The following MMS19 variants were observed in gnomAD, a reference collection of about 807,000 sequenced individuals.
MMS19 encodes the protein MMS19 cytosolic iron-sulfur assembly component.
A neutral mutation model predicts 129.8 loss-of-function variants in MMS19; 77 were observed. The observed-to-expected ratio is 0.59, with a 90% CI of 0.49 to 0.72. MMS19 has a LOEUF of 0.72. Ranked by LOEUF, MMS19 falls within the 30% of genes least tolerant of loss-of-function variation. MMS19 has a pLI of 0.00. For missense variants in MMS19, 1,168 were observed against 1,266.3 expected (o/e 0.92, Z 1.18); for synonymous variants, 491 against 502.8 (o/e 0.98, Z 0.31).
intron 12 of MMS19, among the ~76,000 whole-genome samples, chr10:97,468,677 A>C (rs2034038711): frequency 1.3e-5 from 2 of 152,018 alleles, no homozygotes; most frequent in Non-Finnish European, 2.9e-5. Context: ...GCAGTGGCGC[A>C]ATCTCAGCTC....
intron 3 of MMS19, among the ~76,000 whole-genome samples, chr10:97,480,610 C>T (rs765847906): frequency 6.6e-6 from 1 of 152,110 alleles, no homozygotes; most frequent in Non-Finnish European, 1.5e-5. Flanking sequence ...GAGATGGAGT[C>T]CCGCTCTGTC....
chr10:97,497,952 C>A (rs2040109744), intron 1 of MMS19, among the ~76,000 whole-genome samples: 1 of 152,208 alleles, frequency 6.6e-6, no homozygotes, highest in Admixed American at 6.5e-5. Flanking sequence ...CGCCTGGGTC[C>A]GAGTCCCACC....
chr10:97,490,052 G>A (rs2038613716), intron 1 of MMS19, among the ~76,000 whole-genome samples: 1 of 152,122 alleles, frequency 6.6e-6, no homozygotes, highest in Non-Finnish European at 1.5e-5. Context: ...GGGAGGGGAA[G>A]ATTAAACTCC....
At chr10:97,486,114 G>A (rs944207205) in intron 1 of MMS19, among the ~76,000 whole-genome samples, 1 of 152,196 alleles carries the variant, frequency 6.6e-6, no homozygotes, top group Non-Finnish European at 1.5e-5. Flanking sequence ...TGTGACGTGT[G>A]TGTACACATA....
intron 1 of MMS19, among the ~76,000 whole-genome samples, chr10:97,497,305 A>G (rs1589847397): frequency 6.6e-6 from 1 of 152,230 alleles, no homozygotes; most frequent in East Asian, 1.9e-4. Context: ...GAATACTGCT[A>G]ACGAACAAAG....
Position 97,468,379 on chromosome 10 carries a change from T to A in MMS19, c.1091A>T (p.Asp364Val), listed in dbSNP as rs761771953. 1 of 1,611,404 alleles carries A rather than the reference T, an allele frequency of 6.2e-7. No individual in the cohort carries two copies. The highest frequency in any genetic ancestry group is 8.5e-7 in the Non-Finnish European group (1 of 1,178,290). ...QDCRHHLCEP[D>V]MKLVWPSAKL... is the part of the protein sequence containing the mutation. ...GGCACTAGGCCACACCAGTTTCATG[T>A]CCGGTTCACACAGGTGGTGCCTGCA... is the stretch of plus-strand genomic sequence containing the variant. Residue 364 changes from aspartate to valine, a missense_variant, in exon 13 of 31, where the codon GAC (aspartate) becomes GTC (valine). Around this residue, in one of 3 missense-constraint regions of MMS19, gnomAD observed 831 missense variants for 910.8 expected, o/e 0.91. Transcript: ENST00000438925.
intron 2 of MMS19, among the ~76,000 whole-genome samples, chr10:97,481,453 A>G (rs1263400692): frequency 1.3e-5 from 2 of 152,208 alleles, no homozygotes; most frequent in Non-Finnish European, 2.9e-5. Flanking sequence ...CACCAAAACA[A>G]GGAGAATACG....
chr10:97,498,445 C>A, upstream of MMS19: 3 of 1,537,980 alleles, frequency 2.0e-6, no homozygotes, highest in Admixed American at 4.0e-5. Context: ...GCTCTCCGCG[C>A]ATGCGCCTCC....
chr10:97,460,743 C>T lies in MMS19; in HGVS notation c.2421G>A (p.Lys807=). The T allele has an allele frequency of 6.3e-7, 1 of 1,598,202 alleles. No individual in the cohort carries two copies. The change falls in exon 25 of 31, where the codon AAG becomes AAA. Residue 807 remains lysine, a synonymous_variant. Transcript: ENST00000438925. ...QAFTLLLWVT[K]ALVLRYHPLS... Reference sequence around the variant, plus strand: ...GAGGATGGTATCTGAGCACTAGGGCCTTTGTTACCTGTAATTGGAGACAGA... The same window carrying T: ...GAGGATGGTATCTGAGCACTAGGGCTTTTGTTACCTGTAATTGGAGACAGA...
chr10:97,460,318 A>G (rs1384103659), intron 25 of MMS19, 86 bp from the exon 26 acceptor site: 13 of 1,293,092 alleles, frequency 1.0e-5, no homozygotes, highest in East Asian at 2.4e-5. Flanking sequence ...GTGGTGGCTC[A>G]TGCCTGTAAT....
intron 4 of MMS19, 146 bp downstream of exon 4, chr10:97,478,158 C>T (rs941351999): frequency 2.4e-5 from 17 of 701,540 alleles, no homozygotes; most frequent in Admixed American, 2.2e-4. Context: ...AGAGGGAAAA[C>T]GGAAGTAGAG....
chr10:97,498,039 T>C (rs755366501), intron 1 of MMS19, among the ~76,000 whole-genome samples: 1 of 152,192 alleles, frequency 6.6e-6, no homozygotes, highest in African/African-American at 2.4e-5. Context: ...ATCTGTAAAA[T>C]GTAATGATTC....
Position 97,459,169 on chromosome 10 carries a change from T to C in MMS19, c.2964+54A>G, listed in dbSNP as rs762270098. On this transcript the variant is annotated intron_variant, in intron 29 of 30. Coordinates refer to ENST00000438925, the MANE Select transcript of MMS19 (RefSeq NM_022362.5). The stretch of plus-strand genomic sequence containing the variant: ...CCACCTGACTAAGGCAAAAAGGTAC[T>C]TATGTGTCTCTTGAGATGTTCCCAG... 1.3e-5 allele frequency: 21 copies of C among 1,557,122 alleles called. No individual in the cohort carries two copies. The South Asian group carries it at 1.4e-4, about 11-fold the overall frequency.
In MMS19 at chr10:97,470,245, G is replaced by GTGTC. The variant is rs989076949; in HGVS notation, c.772-46_772-43dup. On this transcript the variant is annotated intron_variant, in intron 9 of 30. Transcript: ENST00000438925. ...AGATCTTAAGCCTGAGATGGGTGGT[G>GTGTC]TGTCAGTCACATCAAGGTCAACCCT... The GTGTC allele has an allele frequency of 2.1e-6, 3 of 1,410,248 alleles. No individual in the cohort carries two copies. In the African/African-American group the frequency reaches 4.2e-5, roughly 20 times the overall value. 87.4% of individuals were successfully genotyped at this position (1,410,248 alleles called of 1,614,324 possible).
chr10:97,463,967 G>A lies in MMS19; in HGVS notation c.1803C>T (p.Ser601=). The A allele has an allele frequency of 6.2e-7, 1 of 1,612,898 alleles. No homozygotes were observed. Among genetic ancestry groups the A allele is most frequent in the South Asian group, 1.1e-5 (1 of 90,852 alleles). ...QSSDVIAVCQ[S]LRQMAEKCQQ... is the part of the protein sequence containing the mutation. The stretch of plus-strand genomic sequence containing the variant: ...GACATTTTTCTGCCATCTGTCTGAG[G>A]CTCTGACAGACAGCAATAACGTCAC... The change falls in exon 19 of 31, where the codon AGC becomes AGT. Residue 601 remains serine, a synonymous_variant. Transcript: ENST00000438925.
At position 97,466,477 on chromosome 10, in the gene MMS19, C is replaced by T. The variant is rs563847846; in HGVS notation, c.1505+27G>A. The T allele has an allele frequency of 4.4e-5, 69 of 1,552,300 alleles. No homozygotes were observed. The East Asian group carries it at 1.5e-3, about 34-fold the overall frequency. On this transcript the variant is annotated intron_variant, in intron 16 of 30. Coordinates refer to ENST00000438925, the MANE Select transcript of MMS19 (RefSeq NM_022362.5). ...CAATACAGAGGCAGGGAACAGCTTG[C>T]TCTATCTCATTGCTTTAAATTCTCA...
chr10:97,498,402 G>A lies in MMS19; in HGVS notation c.-18C>T, dbSNP rs1013708020. On this transcript the variant is annotated 5_prime_UTR_variant, in exon 1 of 31. The change creates a new upstream start codon in the 5' untranslated region. Transcript: ENST00000438925. ...GCGGCCATAACGCGAACTAGAGACC[G>A]TGGGAGGGGATATGGGCGGTGGCTC... is the stretch of plus-strand genomic sequence containing the variant. The A allele has an allele frequency of 2.5e-6, 4 of 1,577,890 alleles. No individual in the cohort carries two copies. Among genetic ancestry groups the A allele is most frequent in the East Asian group, 4.6e-5 (2 of 43,332 alleles).
At chr10:97,498,018 TCA>T (rs2040124823) in intron 1 of MMS19, among the ~76,000 whole-genome samples, 1 of 152,352 alleles carries the variant, frequency 6.6e-6, no homozygotes, top group Admixed American at 6.5e-5. Context: ...TCGCTGAGCC[TCA>T]GTTTCCTCAT....
Position 97,463,937 on chromosome 10 carries a change from C to T in MMS19, c.1833G>A (p.Gln611=). ...GGAAATACCAGCAACTCTCAGGGTC[C>T]TGCTGACATTTTTCTGCCATCTGTC... ...SLRQMAEKCQ[Q]DPESCWYFHQ... is the part of the protein sequence containing the mutation. The change falls in exon 19 of 31, where the codon CAG becomes CAA. Residue 611 remains glutamine (Q), a synonymous_variant. Coordinates refer to ENST00000438925, the MANE Select transcript of MMS19 (RefSeq NM_022362.5). The T allele has an allele frequency of 6.2e-7, 1 of 1,612,954 alleles. No individual in the cohort carries two copies. The highest frequency in any genetic ancestry group is 1.3e-5 in the African/African-American group (1 of 75,068).
Sources: allele counts gnomAD v4.1 joint callset (sites outside exome capture counted in the v4.1 genomes callset), GRCh38; gene constraint gnomAD v4.1.1; regional missense constraint gnomAD v4.1.1; transcripts MANE v1.5; gene names NCBI Gene and HGNC (gene_info 2026-07-23, HGNC 2026-07-21).